SPTLC3: variants seen among roughly 807,000 people sequenced by gnomAD.
SPTLC3 encodes the protein serine palmitoyltransferase long chain base subunit 3, also known as serine palmitoyltransferase 3.
SPTLC3 carries 36 observed loss-of-function variants against 59.3 expected under a neutral mutation model. The observed-to-expected ratio is 0.61, with a 90% CI of 0.47 to 0.80. SPTLC3 has a LOEUF of 0.80. Among genes scored for constraint, SPTLC3 ranks in the 30% least tolerant of loss-of-function variants. The pLI is 0.00. For missense variants in SPTLC3, 625 were observed against 685.1 expected (o/e 0.91, Z 0.98); for synonymous variants, 257 against 240.8 (o/e 1.07, Z -0.62).
rs767326669 is a variant in SPTLC3 at position 13,166,215 on chromosome 20, C to CTTGGTT, written c.*1352_*1357dup. Reference sequence around the variant, plus strand: ...TGTAAACAAATCACTTCAAGAGAGGCTTGGTTTTGTGTGGCACAGATGGAC... The same window carrying CTTGGTT: ...TGTAAACAAATCACTTCAAGAGAGGCTTGGTTTTGGTTTTGTGTGGCACAGATGGAC... On this transcript the variant is annotated 3_prime_UTR_variant, in exon 12 of 12. Coordinates refer to ENST00000399002, the MANE Select transcript of SPTLC3 (RefSeq NM_018327.4). 2 of 152,644 alleles carry CTTGGTT rather than the reference C, an allele frequency of 1.3e-5. No individual in the cohort carries two copies. Among genetic ancestry groups the CTTGGTT allele is most frequent in the Non-Finnish European group, 2.9e-5 (2 of 68,048 alleles). The allele number at this position is 152,644 out of a possible 1,614,324, so 9.5% of individuals were successfully genotyped here.
chr20:13,105,801 C>A (rs1193900149), intron 6 of SPTLC3, among the ~76,000 whole-genome samples: 1 of 152,100 alleles, frequency 6.6e-6, no homozygotes, highest in Non-Finnish European at 1.5e-5. Flanking sequence ...TATTCACCAT[C>A]TCTTTATTCC....
At chr20:13,057,881 G>C (rs1036342994) in intron 2 of SPTLC3, among the ~76,000 whole-genome samples, 2 of 152,210 alleles carry the variant, frequency 1.3e-5, no homozygotes, top group Admixed American at 6.5e-5. Context: ...AGAAGAGAAT[G>C]TCAGCAAATA....
rs898388742 is a variant in SPTLC3, at chr20:13,166,278, C to G, written c.*1411C>G. ...GCTGTGCACTGAGATAGAAACTCCA[C>G]CCGCAGCGCCTGCGATGGATGGAGC... On this transcript the variant is annotated 3_prime_UTR_variant, in exon 12 of 12. Coordinates refer to ENST00000399002, the MANE Select transcript of SPTLC3 (RefSeq NM_018327.4). 1 of 152,616 alleles carries G rather than the reference C, an allele frequency of 6.6e-6. No homozygotes were observed. The highest frequency in any genetic ancestry group is 1.5e-5 in the Non-Finnish European group (1 of 68,046). 9.5% of individuals were successfully genotyped at this position (152,616 alleles called of 1,614,324 possible). A position where few individuals can be genotyped will look rare whatever the true frequency, so the allele number is the denominator to read the frequency against.
In SPTLC3 at chr20:13,164,776, T is replaced by C. The variant is rs769247079; in HGVS notation, c.1568T>C (p.Met523Thr). ...CAGGTTTTAGAAGCTCTTGATGAAA[T>C]GGGTGATCTCTTGCAACTGAAATAT... ...LDTVLEALDEMGDLLQLKYSR... is the reference protein window; with the variant it reads ...LDTVLEALDETGDLLQLKYSR... The change falls in exon 12 of 12, where the codon ATG becomes ACG. Residue 523 changes from methionine (M) to threonine (T), a missense_variant. Physicochemically the swap from Met to Thr is moderately conservative, Grantham distance 81. Transcript: ENST00000399002. 43 of 1,613,630 alleles carry C rather than the reference T, an allele frequency of 2.7e-5. No homozygotes were observed. Among genetic ancestry groups the C allele is most frequent in the Non-Finnish European group, 3.4e-5 (40 of 1,179,814 alleles).
chr20:13,085,008 T>G (rs987658347), intron 4 of SPTLC3, among the ~76,000 whole-genome samples: 5 of 152,186 alleles, frequency 3.3e-5, no homozygotes, highest in African/African-American at 1.2e-4. Flanking sequence ...TATTTACATC[T>G]GATCTAATAT....
chr20:13,138,432 C>A (rs2038302408), intron 9 of SPTLC3, among the ~76,000 whole-genome samples: 4 of 152,158 alleles, frequency 2.6e-5, no homozygotes, highest in Admixed American at 2.6e-4. Context: ...AATTATTCTT[C>A]CTTCCTTCAG....
chr20:13,019,653 T>C (rs935151033), intron 1 of SPTLC3, among the ~76,000 whole-genome samples: 3 of 152,202 alleles, frequency 2.0e-5, no homozygotes, highest in Admixed American at 1.3e-4. Context: ...ATCAAAGTGT[T>C]AGAGACCTGG....
chr20:13,093,297 C>G (rs548256496), intron 5 of SPTLC3, among the ~76,000 whole-genome samples, 187 bp from the exon 6 acceptor site: 1 of 152,320 alleles, frequency 6.6e-6, no homozygotes, highest in South Asian at 2.1e-4. Flanking sequence ...CAATTCCCAT[C>G]TCCATCAGCT....
At chr20:13,106,367 C>T (rs1314834129) in intron 6 of SPTLC3, among the ~76,000 whole-genome samples, 1 of 152,130 alleles carries the variant, frequency 6.6e-6, no homozygotes, top group Non-Finnish European at 1.5e-5. Flanking sequence ...AAGCAAAAAA[C>T]GAACATCGCG....
chr20:13,073,214 C>T (rs539150578), intron 3 of SPTLC3, among the ~76,000 whole-genome samples: 5 of 127,656 alleles, frequency 3.9e-5, no homozygotes, highest in African/African-American at 1.1e-4. Context: ...CTCCTCCCTA[C>T]CTTTTCTAGC....
At chr20:13,148,363 C>T (rs2038563691) in intron 9 of SPTLC3, among the ~76,000 whole-genome samples, 1 of 152,144 alleles carries the variant, frequency 6.6e-6, no homozygotes, top group South Asian at 2.1e-4. Context: ...AGAGATAGAA[C>T]AGGAACAGAC....
At chr20:13,063,015 A>G (rs549396561) in intron 2 of SPTLC3, among the ~76,000 whole-genome samples, 1 of 152,364 alleles carries the variant, frequency 6.6e-6, no homozygotes, top group South Asian at 2.1e-4. Flanking sequence ...CCTTTCAAAA[A>G]TGCTTGCCTA....
At chr20:13,068,022 G>A (rs1479920558) in intron 2 of SPTLC3, among the ~76,000 whole-genome samples, 4 of 152,190 alleles carry the variant, frequency 2.6e-5, no homozygotes, top group African/African-American at 9.7e-5. Context: ...TTTTTGGAAA[G>A]AGCATGGTTT....
chr20:13,045,512 T>C (rs1987192345), intron 1 of SPTLC3, among the ~76,000 whole-genome samples: 1 of 152,156 alleles, frequency 6.6e-6, no homozygotes, highest in Non-Finnish European at 1.5e-5. Flanking sequence ...CAATTATAAG[T>C]AAAAGAATAT....
chr20:13,115,725 A>G (rs540408983), intron 7 of SPTLC3, among the ~76,000 whole-genome samples: 1 of 152,046 alleles, frequency 6.6e-6, no homozygotes, highest in East Asian at 1.9e-4. Flanking sequence ...CGTTGCAACC[A>G]TTTCCTCCTA....
At chr20:13,038,986 G>A (rs746176773) in intron 1 of SPTLC3, among the ~76,000 whole-genome samples, 22 of 151,800 alleles carry the variant, frequency 1.4e-4, no homozygotes, top group Non-Finnish European at 2.2e-4. Context: ...TTCCATTGCC[G>A]TTGGAAAGAA....
intron 4 of SPTLC3, among the ~76,000 whole-genome samples, chr20:13,089,036 C>A (rs1989111466): frequency 6.6e-6 from 1 of 152,174 alleles, no homozygotes; most frequent in South Asian, 2.1e-4. Context: ...CACAGATCAC[C>A]AAGTGCCTCT....
chr20:13,132,492 C>A (rs185593932), intron 9 of SPTLC3, among the ~76,000 whole-genome samples: 166 of 152,152 alleles, frequency 1.1e-3, no homozygotes, highest in Non-Finnish European at 1.7e-3. Context: ...ATCTTTACAG[C>A]ATTTATGAAT....
chr20:13,056,101 A>G (rs1280928781), intron 2 of SPTLC3, among the ~76,000 whole-genome samples: 2 of 152,200 alleles, frequency 1.3e-5, no homozygotes, highest in East Asian at 1.9e-4. Context: ...ACGATGGGCT[A>G]TGGACATCAA....
Sources: gnomAD v4.1 joint callset for allele counts (sites outside exome capture counted in the v4.1 genomes callset) on GRCh38, gnomAD v4.1.1 for gene constraint, MANE v1.5 for transcripts, NCBI Gene and HGNC (gene_info 2026-07-23, HGNC 2026-07-21) for gene names.